Variants in CEP89 observed in about 807,000 individuals in gnomAD.
CEP89 encodes the protein centrosomal protein of 89 kDa.
Under a neutral mutation model 97.6 loss-of-function variants are expected in CEP89, and 95 were observed. The observed-to-expected ratio is 0.97, with a 90% confidence interval of 0.82 to 1.15. The LOEUF (loss-of-function observed/expected upper bound fraction) is 1.15. CEP89 is among the 50% of genes most tolerant of loss of function. The probability of loss-of-function intolerance (pLI) is 0.00; values close to 1 mark genes in which losing one functional copy is unlikely to be tolerated. For missense variants in CEP89, 869 were observed against 947.7 expected (o/e 0.92, Z 1.09); for synonymous variants, 354 against 349.1 (o/e 1.01, Z -0.16).
At chr19:32,881,728 T>C in intron 18 of CEP89, 116 bp downstream of exon 18, 35 of 994,366 alleles carry the variant, frequency 3.5e-5, no homozygotes, top group Non-Finnish European at 4.9e-5. Flanking sequence ...CAGAGTAAAA[T>C]GTAGAAACAA....
intron 3 of CEP89, among the ~76,000 whole-genome samples, chr19:32,954,194 T>C (rs115928133): frequency 2.2e-3 from 333 of 152,082 alleles, no homozygotes; most frequent in African/African-American, 7.6e-3. Flanking sequence ...TTAAATGCAC[T>C]GCCTCCAAGT....
At chr19:32,931,206 C>A in intron 9 of CEP89, 1 of 522,576 alleles carries the variant, frequency 1.9e-6, no homozygotes, top group Non-Finnish European at 3.3e-6. Context: ...ACTTTGTACA[C>A]TTCTGTATTG....
intron 3 of CEP89, among the ~76,000 whole-genome samples, chr19:32,957,217 G>A (rs1370928167): frequency 2.0e-5 from 3 of 152,176 alleles, no homozygotes; most frequent in African/African-American, 7.2e-5. Context: ...AGGGGTAGCT[G>A]TTGGGATGTT....
chr19:32,947,918 G>A (rs897527700), intron 5 of CEP89, among the ~76,000 whole-genome samples: 1 of 152,094 alleles, frequency 6.6e-6, no homozygotes, highest in Non-Finnish European at 1.5e-5. Flanking sequence ...CTCCCACCTC[G>A]CCCTTCTGAG....
intron 12 of CEP89, among the ~76,000 whole-genome samples, chr19:32,918,957 T>A (rs2145912336): frequency 6.8e-6 from 1 of 147,906 alleles, no homozygotes; most frequent in African/African-American, 2.5e-5. Flanking sequence ...CAATCTCGGC[T>A]CACTGCAAGC....
intron 14 of CEP89, among the ~76,000 whole-genome samples, chr19:32,913,491 T>C (rs1490387509): frequency 6.6e-6 from 1 of 151,870 alleles, no homozygotes; most frequent in Non-Finnish European, 1.5e-5. Flanking sequence ...TACAAACACA[T>C]ACATTTATAC....
intron 2 of CEP89, 143 bp downstream of exon 2, chr19:32,966,217 T>G (rs1971279876): frequency 2.4e-6 from 1 of 425,366 alleles, no homozygotes. Flanking sequence ...ATTGCATCAT[T>G]ATGGAATCGT....
chr19:32,927,263 A>G (rs960206615), intron 9 of CEP89, among the ~76,000 whole-genome samples: 8 of 152,230 alleles, frequency 5.3e-5, no homozygotes, highest in Non-Finnish European at 8.8e-5. Context: ...TTTTTCTGAA[A>G]TGTTTTAGAG....
At chr19:32,966,616 C>G (rs1044978962) in intron 1 of CEP89, 150 bp from the exon 2 acceptor site, 3 of 420,976 alleles carry the variant, frequency 7.1e-6, no homozygotes, top group Non-Finnish European at 1.3e-5. Context: ...CCCTGCCATC[C>G]CCAGTCCCCA....
In CEP89 at chr19:32,965,687, T is replaced by TTATTAA. The variant is rs1435900942; in HGVS notation, c.146+672_146+673insTTAATA. The stretch of plus-strand genomic sequence containing the variant: ...CTCCAGCCTGGGCAACAGAGCAAGA[T>TTATTAA]CTTGCCTTGAAAAAAAAATTAATAA... On this transcript the variant is annotated intron_variant, in intron 2 of 18. Coordinates refer to ENST00000305768, the MANE Select transcript of CEP89 (RefSeq NM_032816.5). 4.2e-5 allele frequency among the ~76,000 whole-genome samples: 4 copies of TTATTAA among 95,892 alleles called. No homozygotes were observed. In the South Asian group the frequency reaches 1.4e-3, roughly 34 times the overall value. The allele number at this position is 95,892 out of a possible 152,430, so 62.9% of individuals were successfully genotyped here.
intron 18 of CEP89, among the ~76,000 whole-genome samples, chr19:32,880,643 A>T (rs1185227928): frequency 3.5e-5 from 3 of 85,350 alleles, no homozygotes; most frequent in Admixed American, 1.0e-4. Context: ...TGTATTTAAA[A>T]AAAAAAAAAA....
intron 4 of CEP89, among the ~76,000 whole-genome samples, chr19:32,951,821 T>C (rs1970925335): frequency 6.6e-6 from 1 of 152,102 alleles, no homozygotes; most frequent in Admixed American, 6.6e-5. Flanking sequence ...AAACAAAATA[T>C]CTGTCCTTCT....
intron 18 of CEP89, among the ~76,000 whole-genome samples, chr19:32,880,616 G>C (rs942793665): frequency 2.1e-5 from 3 of 145,166 alleles, no homozygotes; most frequent in Admixed American, 7.0e-5. Flanking sequence ...TTTAGCCCAG[G>C]CAACAGAGCA....
At chr19:32,950,593 T>A (rs1277112882) in intron 4 of CEP89, among the ~76,000 whole-genome samples, 1 of 152,174 alleles carries the variant, frequency 6.6e-6, no homozygotes, top group Non-Finnish European at 1.5e-5. Context: ...AAGAAGATGC[T>A]CAATATGGAC....
At chr19:32,881,782 C>T (rs1969285912) in intron 18 of CEP89, 62 bp downstream of exon 18, 1 of 1,452,590 alleles carries the variant, frequency 6.9e-7, no homozygotes, top group Non-Finnish European at 9.3e-7. Flanking sequence ...AGGGTTTTAG[C>T]AGAACCCTCA....
intron 14 of CEP89, among the ~76,000 whole-genome samples, chr19:32,905,591 C>A (rs1402021171): frequency 7.2e-5 from 11 of 152,000 alleles, no homozygotes; most frequent in Non-Finnish European, 1.6e-4. Context: ...AAGAATTTGA[C>A]TATTTCATCT....
intron 4 of CEP89, among the ~76,000 whole-genome samples, chr19:32,951,224 C>T (rs1054220786): frequency 3.9e-5 from 6 of 152,060 alleles, no homozygotes; most frequent in Non-Finnish European, 5.9e-5. Context: ...CTTGGCTGGG[C>T]GCAATGGCTC....
At chr19:32,946,825 G>A (rs767355114) in intron 5 of CEP89, among the ~76,000 whole-genome samples, 21 of 152,076 alleles carry the variant, frequency 1.4e-4, no homozygotes, top group Non-Finnish European at 2.8e-4. Context: ...CCCCAGCCAC[G>A]GGGAACTATG....
intron 16 of CEP89, among the ~76,000 whole-genome samples, chr19:32,889,697 C>T (rs1969472917): frequency 6.6e-6 from 1 of 152,164 alleles, no homozygotes; most frequent in South Asian, 2.1e-4. Context: ...GGGGCCTGCA[C>T]CCCAGGGACC....
Sources: gnomAD v4.1 joint callset for allele counts (sites outside exome capture counted in the v4.1 genomes callset) on GRCh38, gnomAD v4.1.1 for gene constraint, MANE v1.5 for transcripts, NCBI Gene and HGNC (gene_info 2026-07-23, HGNC 2026-07-21) for gene names.